Variants in CCNY observed in about 807,000 individuals in gnomAD.
CCNY encodes the protein cyclin Y.
In CCNY, 19 loss-of-function variants were observed where a neutral mutation model predicts 42.8. The ratio of observed to expected loss-of-function variants is 0.44; its 90% CI spans 0.31 to 0.65. The LOEUF is 0.65. CCNY is among the 30% of genes least tolerant of loss of function. The pLI, the probability that CCNY is intolerant of heterozygous loss-of-function variation, is 0.07. For synonymous variants in CCNY, 165 were observed against 162.7 expected (o/e 1.01, Z -0.11); for missense variants, 370 against 437.3 (o/e 0.85, Z 1.37).
chr10:35,270,676 G>T (rs1835152874), intron 3 of CCNY, among the ~76,000 whole-genome samples: 1 of 150,746 alleles, frequency 6.6e-6, no homozygotes, highest in African/African-American at 2.4e-5. Flanking sequence ...GTGTGTAGCT[G>T]AATCTCTACC....
intron 1 of CCNY, among the ~76,000 whole-genome samples, chr10:35,450,833 A>G (rs772712402): frequency 3.3e-5 from 5 of 152,114 alleles, no homozygotes; most frequent in Non-Finnish European, 5.9e-5. Context: ...TTGGAGAATG[A>G]CAGTGATGGA....
At chr10:35,483,367 T>G (rs1653818245) in intron 1 of CCNY, 37 bp from the exon 2 acceptor site, 4 of 1,320,770 alleles carry the variant, frequency 3.0e-6, no homozygotes, top group Non-Finnish European at 1.1e-6. Context: ...AGTTATCAGA[T>G]GGTTTATTCA....
At chr10:35,450,305 A>AG (rs1838889564) in intron 1 of CCNY, among the ~76,000 whole-genome samples, 1 of 152,054 alleles carries the variant, frequency 6.6e-6, no homozygotes, top group South Asian at 2.1e-4. Flanking sequence ...GGTGACTTAC[A>AG]GGGAGAGGGT....
intron 3 of CCNY, among the ~76,000 whole-genome samples, chr10:35,502,952 A>T (rs1217085925): frequency 6.6e-6 from 1 of 152,160 alleles, no homozygotes; most frequent in African/African-American, 2.4e-5. Flanking sequence ...TTTCCTGTTC[A>T]CTGCAGCTCC....
At chr10:35,545,917 T>C (rs572099604) in intron 7 of CCNY, among the ~76,000 whole-genome samples, 2 of 152,170 alleles carry the variant, frequency 1.3e-5, no homozygotes, top group Admixed American at 1.3e-4. Context: ...CAGAAAATAA[T>C]AATTACTTTT....
At chr10:35,425,753 C>CT (rs930423009) in intron 1 of CCNY, among the ~76,000 whole-genome samples, 10 of 152,154 alleles carry the variant, frequency 6.6e-5, no homozygotes, top group African/African-American at 2.2e-4. Flanking sequence ...CTATGGAGGA[C>CT]TTTCTGCTTT....
At chr10:35,326,903 A>T (rs1564369536) in intron 3 of CCNY, among the ~76,000 whole-genome samples, 1 of 151,890 alleles carries the variant, frequency 6.6e-6, no homozygotes, top group African/African-American at 2.4e-5. Context: ...CAAACAAACA[A>T]ACAAACAAAC....
intron 3 of CCNY, among the ~76,000 whole-genome samples, chr10:35,257,653 C>G (rs1482933820): frequency 6.6e-6 from 1 of 152,144 alleles, no homozygotes; most frequent in African/African-American, 2.4e-5. Context: ...CCCCTTCCCT[C>G]TTGCTGCTCT....
chr10:35,337,132 C>G lies in CCNY; in HGVS notation c.79C>G (p.Arg27Gly). Residue 27 changes from arginine to glycine, a missense_variant, in exon 1 of 10, where the codon CGG (arginine) becomes GGG (glycine). Around this residue, in one of 2 missense-constraint regions of CCNY, gnomAD observed 136 missense variants for 124.2 expected, o/e 1.09. Coordinates refer to ENST00000374704, the MANE Select transcript of CCNY (RefSeq NM_145012.6). ...RNAHSRLESY[R>G]PDTDLSREDT... ...TGCCCACTCCCGGCTGGAGTCCTAC[C>G]GGCCAGACACGGACCTGAGCCGCGA... The G allele has an allele frequency of 1.3e-6, 2 of 1,588,118 alleles. No homozygotes were observed. Among genetic ancestry groups the G allele is most frequent in the South Asian group, 1.2e-5 (1 of 86,822 alleles).
intron 1 of CCNY, among the ~76,000 whole-genome samples, chr10:35,384,554 T>TA (rs1837262245): frequency 6.6e-6 from 1 of 152,216 alleles, no homozygotes; most frequent in Non-Finnish European, 1.5e-5. Flanking sequence ...CCTTTTGACA[T>TA]ATTGAATTGG....
At chr10:35,332,540 T>G (rs879566760), upstream of CCNY, 3 of 152,220 alleles carry the variant, frequency 2.0e-5, no homozygotes, top group African/African-American at 7.2e-5. Context: ...GAAAATTTTG[T>G]TTTTTCTGTG....
At chr10:35,490,005 C>A in intron 2 of CCNY, among the ~76,000 whole-genome samples, 1 of 152,268 alleles carries the variant, frequency 6.6e-6, no homozygotes, top group African/African-American at 2.4e-5. Flanking sequence ...GCTGCCCCAC[C>A]GCATTCTGCA....
intron 3 of CCNY, among the ~76,000 whole-genome samples, chr10:35,320,015 T>C (rs1216849409): frequency 6.6e-6 from 1 of 152,192 alleles, no homozygotes. Context: ...TAAAACTTCC[T>C]GCAAAGAAAC....
intron 1 of CCNY, among the ~76,000 whole-genome samples, chr10:35,356,384 GT>G (rs558590040): frequency 8.5e-4 from 130 of 152,342 alleles, no homozygotes; most frequent in African/African-American, 2.8e-3. Context: ...GATTTTAAAA[GT>G]TGAGACTGGT....
At chr10:35,555,044 A>G (rs1473294345) in intron 8 of CCNY, among the ~76,000 whole-genome samples, 2 of 152,222 alleles carry the variant, frequency 1.3e-5, no homozygotes, top group Non-Finnish European at 2.9e-5. Flanking sequence ...ATGTTTATAA[A>G]ATATTTGTCA....
intron 3 of CCNY, among the ~76,000 whole-genome samples, chr10:35,280,533 G>T (rs1835289074): frequency 6.6e-6 from 1 of 152,006 alleles, no homozygotes; most frequent in Non-Finnish European, 1.5e-5. Flanking sequence ...AAATGATACT[G>T]GGACAACTGA....
chr10:35,489,574 A>T (rs1839857864), intron 2 of CCNY, among the ~76,000 whole-genome samples: 1 of 152,244 alleles, frequency 6.6e-6, no homozygotes. Context: ...GTTTTTATAG[A>T]TGTAAGTGCT....
At chr10:35,358,072 C>A (rs1235615239) in intron 1 of CCNY, among the ~76,000 whole-genome samples, 1 of 152,204 alleles carries the variant, frequency 6.6e-6, no homozygotes, top group Middle Eastern at 3.4e-3. Flanking sequence ...TTTTAGAAAT[C>A]ATTTTTCTCT....
intron 1 of CCNY, among the ~76,000 whole-genome samples, chr10:35,416,550 C>A (rs1397308571): frequency 1.3e-5 from 2 of 152,114 alleles, no homozygotes; most frequent in African/African-American, 4.8e-5. Flanking sequence ...CGTATAATTA[C>A]CTAGTTATCT....
Sources: gnomAD v4.1 joint callset for allele counts (sites outside exome capture counted in the v4.1 genomes callset) on GRCh38, gnomAD v4.1.1 for gene constraint, gnomAD v4.1.1 regional missense constraint, MANE v1.5 for transcripts, NCBI Gene and HGNC (gene_info 2026-07-23, HGNC 2026-07-21) for gene names.